The following ACTN1 variants were observed in gnomAD, a reference collection of about 807,000 sequenced individuals.
ACTN1 encodes alpha-actinin-1.
Under a neutral mutation model 119.6 loss-of-function variants are expected in ACTN1, and 30 were observed. The observed-to-expected ratio is 0.25, with a 90% confidence interval of 0.19 to 0.34. The LOEUF (loss-of-function observed/expected upper bound fraction) is 0.34. ACTN1 is among the 10% of genes least tolerant of loss of function. ACTN1 has a pLI of 1.00. For synonymous variants in ACTN1, 429 were observed against 472.6 expected, an observed-to-expected ratio of 0.91 and a Z score of 1.20; for missense variants, 764 against 1,223.4, an observed-to-expected ratio of 0.62 and a Z score of 5.60.
At chr14:68,895,727 T>C (rs935139475) in intron 8 of ACTN1, among the ~76,000 whole-genome samples, 1 of 152,216 alleles carries the variant, frequency 6.6e-6, no homozygotes, top group Non-Finnish European at 1.5e-5. Flanking sequence ...ACTCTCCTGA[T>C]CCATCGGCTC....
chr14:68,925,722 C>T lies in ACTN1; in HGVS notation c.106-50G>A. Reference sequence around the variant, plus strand: ...TGGTCAGGGGGCTGGTGTTGTCACCCTCATTGGACAAGCCATTTAATGGTG... The same window carrying T: ...TGGTCAGGGGGCTGGTGTTGTCACCTTCATTGGACAAGCCATTTAATGGTG... On this transcript the variant is annotated intron_variant, in intron 1 of 21. Transcript: ENST00000394419. This position sits in a 1 kb window ranked among gnomAD's most constrained non-coding sequence, Gnocchi z 4.3. 1 of 1,490,528 alleles carries T rather than the reference C, an allele frequency of 6.7e-7. No individual in the cohort carries two copies. The highest frequency in any genetic ancestry group is 9.3e-7 in the Non-Finnish European group (1 of 1,078,738). 92.3% of individuals were successfully genotyped at this position (1,490,528 alleles called of 1,614,324 possible).
chr14:68,937,360 G>T (rs1324685311), intron 1 of ACTN1, among the ~76,000 whole-genome samples: 1 of 152,088 alleles, frequency 6.6e-6, no homozygotes, highest in African/African-American at 2.4e-5. Flanking sequence ...GTGGGACAAG[G>T]CTCAGGTATT....
intron 1 of ACTN1, 86 bp downstream of exon 1, chr14:68,978,866 C>A: frequency 1.0e-6 from 1 of 957,612 alleles, no homozygotes; most frequent in Non-Finnish European, 1.5e-6. Flanking sequence ...CGGTTCAGAG[C>A]CCGGAGCCGA....
chr14:68,884,723 G>A, intron 13 of ACTN1, 52 bp downstream of exon 13: 1 of 1,444,884 alleles, frequency 6.9e-7, no homozygotes, highest in Non-Finnish European at 9.7e-7. Flanking sequence ...GCAGGAAGGG[G>A]CACCACAGGG....
intron 1 of ACTN1, among the ~76,000 whole-genome samples, chr14:68,957,351 C>G (rs1050247171): frequency 2.6e-5 from 4 of 152,318 alleles, no homozygotes; most frequent in African/African-American, 7.2e-5. Context: ...CCAGATCCCA[C>G]CCAACTCAAT....
chr14:68,883,311 A>G, intron 14 of ACTN1: 1 of 451,434 alleles, frequency 2.2e-6, no homozygotes, highest in Non-Finnish European at 4.0e-6. Context: ...CTCACAGGTC[A>G]GGGAGAAGGG....
intron 1 of ACTN1, among the ~76,000 whole-genome samples, chr14:68,929,695 G>A (rs746181455): frequency 3.9e-5 from 6 of 152,158 alleles, no homozygotes; most frequent in Non-Finnish European, 7.4e-5. Flanking sequence ...CAGCGGCAAC[G>A]GCCTGTTCCC....
intron 21 of ACTN1, among the ~76,000 whole-genome samples, chr14:68,876,295 A>C (rs2030883929): frequency 6.6e-6 from 1 of 152,172 alleles, no homozygotes; most frequent in African/African-American, 2.4e-5. Flanking sequence ...GCCTGGCCTG[A>C]ATCTTTTCAG....
In ACTN1 at chr14:68,879,236, T is replaced by C. The variant is rs1166957400; in HGVS notation, c.2281-167A>G. The stretch of plus-strand genomic sequence containing the variant: ...GAGGGGAAATAAAAGTGCACACGGT[T>C]AGACACACCAACGAGGCTCCAGGGG... On this transcript the variant is annotated intron_variant, in intron 18 of 21. Coordinates refer to ENST00000394419, the MANE Select transcript of ACTN1 (RefSeq NM_001130004.2). This position sits in a 1 kb window ranked among gnomAD's most constrained non-coding sequence, Gnocchi z 4.9. Among the ~76,000 whole-genome samples the C allele has an allele frequency of 6.6e-6, 1 of 151,026 alleles. No individual in the cohort carries two copies. Among genetic ancestry groups the C allele is most frequent in the Non-Finnish European group, 1.5e-5 (1 of 67,686 alleles).
At chr14:68,919,341 A>C (rs1433166235) in intron 3 of ACTN1, among the ~76,000 whole-genome samples, 3 of 151,660 alleles carry the variant, frequency 2.0e-5, no homozygotes, top group Non-Finnish European at 4.4e-5. Flanking sequence ...AATTCTCTAC[A>C]CTTCCCTGCC....
intron 1 of ACTN1, among the ~76,000 whole-genome samples, chr14:68,965,832 A>G (rs2036686987): frequency 6.6e-6 from 1 of 152,202 alleles, no homozygotes; most frequent in Non-Finnish European, 1.5e-5. Flanking sequence ...AGCTGAAGAC[A>G]CAGAGGGCTC....
chr14:68,944,501 C>CA lies in ACTN1; in HGVS notation c.106-18830dup, dbSNP rs2035866971. Among the ~76,000 whole-genome samples the CA allele has an allele frequency of 3.9e-5, 6 of 152,234 alleles. No individual in the cohort carries two copies. The South Asian group carries it at 1.2e-3, about 32-fold the overall frequency. Reference sequence around the variant, plus strand: ...ACTAGGGTTACATCGTGGGCAAATACAGGCACTGTCCTAAGTCATGGAGCC... The same window carrying CA: ...ACTAGGGTTACATCGTGGGCAAATACAAGGCACTGTCCTAAGTCATGGAGCC... On this transcript the variant is annotated intron_variant, in intron 1 of 21. Coordinates refer to ENST00000394419, the MANE Select transcript of ACTN1 (RefSeq NM_001130004.2).
chr14:68,877,309 G>A (rs931546897), intron 20 of ACTN1, 69 bp from the exon 21 acceptor site: 1 of 1,581,164 alleles, frequency 6.3e-7, no homozygotes, highest in Non-Finnish European at 8.6e-7. Context: ...ATGGACTGAA[G>A]ACCCTGGGGG....
At chr14:68,953,722 CAAA>C (rs758286195) in intron 1 of ACTN1, among the ~76,000 whole-genome samples, 1 of 129,578 alleles carries the variant, frequency 7.7e-6, no homozygotes, top group African/African-American at 2.9e-5. Context: ...ACTAAAAATA[CAAA>C]AAAAAAAAAA....
Position 68,880,686 on chromosome 14 carries a change from G to A in ACTN1, c.2133+124C>T. The A allele has an allele frequency of 1.0e-6, 1 of 978,682 alleles. No homozygotes were observed. Among genetic ancestry groups the A allele is most frequent in the South Asian group, 1.6e-5 (1 of 61,610 alleles). 60.6% of individuals were successfully genotyped at this position (978,682 alleles called of 1,614,324 possible). ...AGGTACTAAAAATTGAAGATGTGAG[G>A]CTTCAGGGGTGAAGTTAATTTATCC... On this transcript the variant is annotated intron_variant, in intron 17 of 21. Transcript: ENST00000394419. This position sits in a 1 kb window ranked among gnomAD's most constrained non-coding sequence, Gnocchi z 4.6.
At position 68,925,479 on chromosome 14, in the gene ACTN1, G is replaced by A. The variant is rs146223008; in HGVS notation, c.220+79C>T. The A allele has an allele frequency of 2.1e-4, 250 of 1,168,072 alleles. No individual in the cohort carries two copies. The African/African-American group carries it at 3.3e-3, about 15-fold the overall frequency. The allele number at this position is 1,168,072 out of a possible 1,614,324, so 72.4% of individuals were successfully genotyped here. On this transcript the variant is annotated intron_variant, in intron 2 of 21. Transcript: ENST00000394419. The surrounding 1 kb of genome is among the most constrained non-coding windows in gnomAD (Gnocchi z 4.3). ...GTTTCAAGAGACCAAAACCAGCTGC[G>A]CTCATAGGCAGAGCAGATGCCAAGG...
chr14:68,883,623 A>T (rs906224275), intron 14 of ACTN1, among the ~76,000 whole-genome samples: 1 of 152,044 alleles, frequency 6.6e-6, no homozygotes. Flanking sequence ...AATAAAAATT[A>T]AAAAATTAGC....
intron 8 of ACTN1, among the ~76,000 whole-genome samples, chr14:68,901,249 G>GTT (rs564351239): frequency 0.011 from 1,167 of 103,486 alleles, 35 homozygotes; most frequent in Middle Eastern, 0.017. Context: ...TTTTTGTTTT[G>GTT]TTTTTTTTTT....
chr14:68,884,363 C>A (rs953058212), intron 13 of ACTN1, 55 bp from the exon 14 acceptor site: 25 of 1,559,916 alleles, frequency 1.6e-5, no homozygotes, highest in Middle Eastern at 1.7e-4. Flanking sequence ...AATCATCCCC[C>A]ACTCCTATCA....
Sources: allele counts gnomAD v4.1 joint callset (sites outside exome capture counted in the v4.1 genomes callset), GRCh38; gene constraint gnomAD v4.1.1; non-coding constraint Gnocchi (gnomAD v3.1); transcripts MANE v1.5; gene names NCBI Gene and HGNC (gene_info 2026-07-23, HGNC 2026-07-21).